The following CMIP variants were observed in gnomAD, a reference collection of about 807,000 sequenced individuals.
The protein encoded by CMIP is C-Maf-inducing protein.
Under a neutral mutation model 97.3 loss-of-function variants are expected in CMIP, and 13 were observed. That is an observed-to-expected ratio of 0.13 (90% CI 0.09 to 0.21). The LOEUF is 0.21. Among genes scored for constraint, CMIP ranks in the 10% least tolerant of loss-of-function variants. The pLI is 1.00. For missense variants in CMIP, 847 were observed against 1,024.9 expected, an observed-to-expected ratio of 0.83 and a Z score of 2.37; for synonymous variants, 538 against 436.3, an observed-to-expected ratio of 1.23 and a Z score of -2.91.
chr16:81,584,207 A>G (rs992333323), intron 1 of CMIP, among the ~76,000 whole-genome samples: 1 of 152,134 alleles, frequency 6.6e-6, no homozygotes, highest in Non-Finnish European at 1.5e-5. Context: ...TTCAGCTTGC[A>G]TTGCCATCAC....
chr16:81,595,378 T>A (rs1367627606), intron 1 of CMIP, among the ~76,000 whole-genome samples: 5 of 151,716 alleles, frequency 3.3e-5, no homozygotes, highest in Non-Finnish European at 7.4e-5. Context: ...ATACTTTCTT[T>A]CCTTCTTTCT....
intron 3 of CMIP, among the ~76,000 whole-genome samples, chr16:81,623,229 C>T (rs531522087): frequency 8.5e-5 from 13 of 152,278 alleles, no homozygotes; most frequent in African/African-American, 3.1e-4. Flanking sequence ...TTAAGGTTTG[C>T]ATGTGGGATT....
chr16:81,609,515 C>G (rs891631946), intron 2 of CMIP, among the ~76,000 whole-genome samples: 2 of 152,230 alleles, frequency 1.3e-5, no homozygotes, highest in African/African-American at 2.4e-5. Context: ...CGGGGAGGCC[C>G]CATGCGTGAA....
At chr16:81,504,662 A>AAG (rs1476616971) in intron 1 of CMIP, among the ~76,000 whole-genome samples, 1,513 of 141,698 alleles carry the variant, frequency 0.011, 4 homozygotes, top group Middle Eastern at 0.021. Flanking sequence ...AAAAAAAAAA[A>AAG]AAAAGAAAAG....
At chr16:81,554,336 A>G (rs1031102883) in intron 1 of CMIP, among the ~76,000 whole-genome samples, 1 of 152,236 alleles carries the variant, frequency 6.6e-6, no homozygotes, top group African/African-American at 2.4e-5. Context: ...TGCAAGGAGA[A>G]GCTAAGGAGC....
intron 7 of CMIP, among the ~76,000 whole-genome samples, chr16:81,667,432 A>G (rs1037244348): frequency 6.6e-6 from 1 of 152,184 alleles, no homozygotes; most frequent in Admixed American, 6.5e-5. Flanking sequence ...TCCCCAGTGG[A>G]CCGTCAAGTA....
At chr16:81,677,271 G>A (rs1314410241) in intron 9 of CMIP, among the ~76,000 whole-genome samples, 1 of 152,176 alleles carries the variant, frequency 6.6e-6, no homozygotes, top group African/African-American at 2.4e-5. Context: ...TGGGGTCCAG[G>A]AGATCTGGCT....
At chr16:81,479,026 G>A (rs1908098353) in intron 1 of CMIP, among the ~76,000 whole-genome samples, 1 of 152,184 alleles carries the variant, frequency 6.6e-6, no homozygotes, top group Non-Finnish European at 1.5e-5. Flanking sequence ...GGAGAAGCCG[G>A]GTCCTCAGGC....
chr16:81,461,455 C>G (rs1906891154), intron 1 of CMIP, among the ~76,000 whole-genome samples: 1 of 152,302 alleles, frequency 6.6e-6, no homozygotes. Context: ...CATTGCTAAT[C>G]AACCCTAGCG....
chr16:81,539,381 A>C (rs2090406464), intron 1 of CMIP, among the ~76,000 whole-genome samples: 1 of 152,116 alleles, frequency 6.6e-6, no homozygotes, highest in Admixed American at 6.6e-5. Context: ...GGGGGTCTTG[A>C]AACCAATGTC....
In CMIP at chr16:81,616,010, C is replaced by T. The variant is rs1567612526; in HGVS notation, c.427-4866C>T. On this transcript the variant is annotated intron_variant, in intron 2 of 20. Transcript: ENST00000537098. This position sits in a 1 kb window ranked among gnomAD's most constrained non-coding sequence, Gnocchi z 4.7. ...AGCTTTCCTTCTCGTCGCACTGGGG[C>T]AGAAGGAGCCGGGCGCGGTGGGTGG... is the stretch of plus-strand genomic sequence containing the variant. 6.6e-6 allele frequency among the ~76,000 whole-genome samples: 1 copy of T among 151,864 alleles called. No individual in the cohort carries two copies. The highest frequency in any genetic ancestry group is 1.5e-5 in the Non-Finnish European group (1 of 67,954).
intron 1 of CMIP, among the ~76,000 whole-genome samples, chr16:81,511,771 A>G (rs1338719247): frequency 1.3e-5 from 2 of 152,172 alleles, no homozygotes; most frequent in Admixed American, 6.5e-5. Context: ...CATGTTGCCC[A>G]GGCTGGTCTC....
intron 1 of CMIP, among the ~76,000 whole-genome samples, chr16:81,599,607 C>G (rs531144275): frequency 5.3e-5 from 8 of 152,202 alleles, no homozygotes; most frequent in African/African-American, 1.4e-4. Flanking sequence ...TGTGTGAGCA[C>G]AAAGGTACAC....
intron 10 of CMIP, among the ~76,000 whole-genome samples, chr16:81,685,541 A>T (rs1044845258): frequency 3.1e-4 from 47 of 151,856 alleles, no homozygotes; most frequent in African/African-American, 1.1e-3. Flanking sequence ...GTAAAAAAAA[A>T]CCTAAGTGCT....
At chr16:81,460,169 C>T (rs998720220) in intron 1 of CMIP, among the ~76,000 whole-genome samples, 3 of 152,126 alleles carry the variant, frequency 2.0e-5, no homozygotes, top group Non-Finnish European at 4.4e-5. Flanking sequence ...TCTATTCTTT[C>T]CAGCCTTTGC....
intron 9 of CMIP, 124 bp downstream of exon 9, chr16:81,672,194 C>T (rs1046618108): frequency 1.7e-6 from 1 of 584,172 alleles, no homozygotes; most frequent in Non-Finnish European, 3.1e-6. Flanking sequence ...CTGGGCAGAC[C>T]TCATGGTGTG....
At chr16:81,523,929 C>A (rs764094428) in intron 1 of CMIP, among the ~76,000 whole-genome samples, 1 of 152,256 alleles carries the variant, frequency 6.6e-6, no homozygotes, top group Non-Finnish European at 1.5e-5. Context: ...ACCGGCAGAA[C>A]TTTGCAGCTC....
At position 81,655,453 on chromosome 16, in the gene CMIP, G is replaced by A. The variant is rs570919544; in HGVS notation, c.640-2322G>A. 1.6e-4 allele frequency among the ~76,000 whole-genome samples: 24 copies of A among 152,292 alleles called. No homozygotes were observed. The highest frequency in any genetic ancestry group is 5.1e-4 in the African/African-American group (21 of 41,568). On this transcript the variant is annotated intron_variant, in intron 4 of 20. Coordinates refer to ENST00000537098, the MANE Select transcript of CMIP (RefSeq NM_198390.3). This position sits in a 1 kb window ranked among gnomAD's most constrained non-coding sequence, Gnocchi z 4.9. Reference sequence around the variant, plus strand: ...CCCTCCCAGGCCTTTGTTGAGTTGCGTGTAAAGTGGCCGCTTAGCTCGAGA... The same window carrying A: ...CCCTCCCAGGCCTTTGTTGAGTTGCATGTAAAGTGGCCGCTTAGCTCGAGA...
At chr16:81,650,406 A>G (rs1232624479) in intron 3 of CMIP, among the ~76,000 whole-genome samples, 1 of 152,188 alleles carries the variant, frequency 6.6e-6, no homozygotes, top group African/African-American at 2.4e-5. Flanking sequence ...AGGTGGGTAG[A>G]TGAAAGAACT....
Sources: allele counts gnomAD v4.1 joint callset (sites outside exome capture counted in the v4.1 genomes callset), GRCh38; gene constraint gnomAD v4.1.1; non-coding constraint Gnocchi (gnomAD v3.1); transcripts MANE v1.5; gene names NCBI Gene and HGNC (gene_info 2026-07-23, HGNC 2026-07-21).